Variants in MAGI2 observed in about 807,000 individuals in gnomAD.
MAGI2 encodes the protein membrane associated guanylate kinase, WW and PDZ domain containing 2, also known as membrane-associated guanylate kinase, WW and PDZ domain-containing protein 2.
MAGI2 carries 35 observed loss-of-function variants against 133.3 expected under a neutral mutation model. That is an observed-to-expected ratio of 0.26 (90% CI 0.20 to 0.35). The LOEUF is 0.35. Among genes scored for constraint, MAGI2 ranks in the 10% least tolerant of loss-of-function variants. The pLI is 1.00. For missense variants in MAGI2, 1,636 were observed against 1,863.4 expected (o/e 0.88, Z 2.25); for synonymous variants, 729 against 710.6 (o/e 1.03, Z -0.41).
intron 1 of MAGI2, among the ~76,000 whole-genome samples, chr7:79,146,124 T>C (rs966719171): frequency 2.0e-5 from 3 of 152,158 alleles, no homozygotes; most frequent in Admixed American, 2.0e-4. Flanking sequence ...CCAAAATGTG[T>C]GTGCTGGCTT....
intron 2 of MAGI2, among the ~76,000 whole-genome samples, chr7:78,740,662 T>C (rs1464232826): frequency 6.6e-6 from 1 of 152,194 alleles, no homozygotes; most frequent in African/African-American, 2.4e-5. Flanking sequence ...TCACTGATAC[T>C]AGAGACCAGT....
intron 21 of MAGI2, among the ~76,000 whole-genome samples, chr7:78,053,016 C>A (rs11760657): frequency 0.16 from 24,386 of 151,696 alleles, 2,614 homozygotes; most frequent in African/African-American, 0.29. Flanking sequence ...GAAAAGTAGT[C>A]GAAATATTGT....
rs148187961 is a variant in MAGI2, at chr7:78,894,555, A to G, written c.418+112535T>C. Reference sequence around the variant, plus strand: ...ACTGATGTCAAAGTTTATAAGAATGATTAATGGTAACACAATTTATAAGAA... The same window carrying G: ...ACTGATGTCAAAGTTTATAAGAATGGTTAATGGTAACACAATTTATAAGAA... On this transcript the variant is annotated intron_variant, in intron 2 of 21. Coordinates refer to ENST00000354212, the MANE Select transcript of MAGI2 (RefSeq NM_012301.4). Among the ~76,000 whole-genome samples, 552 of 152,346 alleles carry G rather than the reference A, an allele frequency of 3.6e-3. 5 individuals carry two copies. The highest frequency in any genetic ancestry group is 0.013 in the African/African-American group (533 of 41,584).
At chr7:78,845,618 C>T (rs1792525511) in intron 2 of MAGI2, among the ~76,000 whole-genome samples, 1 of 151,910 alleles carries the variant, frequency 6.6e-6, no homozygotes, top group Admixed American at 6.6e-5. Context: ...TGTCAACTAA[C>T]CGGTATGGGA....
intron 6 of MAGI2, among the ~76,000 whole-genome samples, chr7:78,401,707 A>T (rs1796883892): frequency 6.6e-6 from 1 of 152,168 alleles, no homozygotes. Context: ...TTTATTATAG[A>T]ATACATCGAC....
At chr7:79,207,138 C>A (rs181664938) in intron 1 of MAGI2, among the ~76,000 whole-genome samples, 1 of 151,884 alleles carries the variant, frequency 6.6e-6, no homozygotes, top group East Asian at 1.9e-4. Context: ...ATGTTGAAAG[C>A]TTTTCCTTTA....
chr7:78,805,256 TAA>T (rs201941126), intron 2 of MAGI2, among the ~76,000 whole-genome samples: 35 of 121,480 alleles, frequency 2.9e-4, no homozygotes, highest in African/African-American at 9.6e-4. Context: ...GAAGGAAGAG[TAA>T]AAAAAAAAAA....
chr7:78,534,994 G>A (rs1247383568), intron 3 of MAGI2, among the ~76,000 whole-genome samples: 9 of 152,130 alleles, frequency 5.9e-5, no homozygotes, highest in Non-Finnish European at 1.0e-4. Flanking sequence ...TTAGCTGGGT[G>A]TGGTGGTGGG....
intron 1 of MAGI2, among the ~76,000 whole-genome samples, chr7:79,183,695 C>A (rs1036811321): frequency 2.0e-5 from 3 of 151,840 alleles, no homozygotes; most frequent in African/African-American, 7.3e-5. Context: ...ATGTTTCTTG[C>A]AGCACTAGTC....
chr7:78,177,418 G>A (rs55865373), intron 14 of MAGI2, among the ~76,000 whole-genome samples: 22,983 of 122,554 alleles, frequency 0.19, 3,678 homozygotes, highest in Non-Finnish European at 0.28. Flanking sequence ...GTGAATACGC[G>A]CACACACACA....
chr7:79,401,097 T>C (rs1845439665), intron 1 of MAGI2, among the ~76,000 whole-genome samples: 1 of 152,232 alleles, frequency 6.6e-6, no homozygotes, highest in African/African-American at 2.4e-5. Flanking sequence ...ACATCCATTC[T>C]TCACAGAGTA....
chr7:79,096,725 C>A (rs193271850), intron 1 of MAGI2, among the ~76,000 whole-genome samples: 1 of 152,240 alleles, frequency 6.6e-6, no homozygotes, highest in East Asian at 1.9e-4. Context: ...CATTTTACCT[C>A]TAAAAAACCC....
chr7:79,021,777 A>G (rs567548290), intron 1 of MAGI2, among the ~76,000 whole-genome samples: 1 of 152,234 alleles, frequency 6.6e-6, no homozygotes, highest in African/African-American at 2.4e-5. Context: ...GAAGGGCATA[A>G]TTGTGTTTTG....
At chr7:79,080,378 C>T (rs971790869) in intron 1 of MAGI2, among the ~76,000 whole-genome samples, 8 of 152,100 alleles carry the variant, frequency 5.3e-5, no homozygotes, top group African/African-American at 1.9e-4. Flanking sequence ...TATATATTCT[C>T]TGCATCCAAC....
chr7:78,589,992 C>T (rs17439220), intron 3 of MAGI2, among the ~76,000 whole-genome samples: 21,817 of 152,142 alleles, frequency 0.14, 2,040 homozygotes, highest in Non-Finnish European at 0.21. Flanking sequence ...AACTGGAGTT[C>T]AGAAAACAGT....
chr7:78,323,715 T>A (rs893109486), intron 9 of MAGI2, among the ~76,000 whole-genome samples: 1 of 152,206 alleles, frequency 6.6e-6, no homozygotes, highest in African/African-American at 2.4e-5. Flanking sequence ...TTCTTGTAAT[T>A]CTAAAATTGT....
intron 1 of MAGI2, among the ~76,000 whole-genome samples, chr7:79,172,149 T>G (rs4573181): frequency 0.64 from 97,068 of 151,818 alleles, 35,509 homozygotes; most frequent in Non-Finnish European, 0.83. Flanking sequence ...AATGTTTGAA[T>G]TTAGAACTTG....
At chr7:78,646,368 A>G (rs1810895171) in intron 2 of MAGI2, among the ~76,000 whole-genome samples, 2 of 152,184 alleles carry the variant, frequency 1.3e-5, no homozygotes, top group African/African-American at 4.8e-5. Flanking sequence ...AATGTTTATG[A>G]TGAGTAATGC....
intron 1 of MAGI2, among the ~76,000 whole-genome samples, chr7:79,384,035 T>A (rs117049046): frequency 0.023 from 3,557 of 151,578 alleles, 63 homozygotes; most frequent in Middle Eastern, 0.034. Context: ...GAGTAGCACA[T>A]GAATATTTAT....
Sources: allele counts gnomAD v4.1 joint callset (sites outside exome capture counted in the v4.1 genomes callset), GRCh38; gene constraint gnomAD v4.1.1; transcripts MANE v1.5; gene names NCBI Gene and HGNC (gene_info 2026-07-23, HGNC 2026-07-21).